JAKMIP2: variants seen among roughly 807,000 people sequenced by gnomAD.
JAKMIP2 encodes janus kinase and microtubule interacting protein 2.
In JAKMIP2, 25 loss-of-function variants were observed where a neutral mutation model predicts 115.0. The observed-to-expected ratio is 0.22, with a 90% CI of 0.16 to 0.30. The LOEUF is 0.30. JAKMIP2 is among the 10% of genes least tolerant of loss of function. The pLI is 1.00. For missense variants in JAKMIP2, 642 were observed against 957.6 expected (o/e 0.67, Z 4.35); for synonymous variants, 334 against 343.6 (o/e 0.97, Z 0.31).
intron 19 of JAKMIP2, among the ~76,000 whole-genome samples, chr5:147,615,302 G>A (rs994636945): frequency 2.0e-5 from 3 of 152,102 alleles, no homozygotes; most frequent in African/African-American, 4.8e-5. Flanking sequence ...ATCTTAAACT[G>A]GGACTGGAAA....
intron 9 of JAKMIP2, among the ~76,000 whole-genome samples, chr5:147,640,185 T>C (rs1015398911): frequency 1.1e-4 from 17 of 152,328 alleles, no homozygotes; most frequent in African/African-American, 1.4e-4. Context: ...AAAATCTGTT[T>C]TATTGCATTA....
chr5:147,770,845 G>T (rs1360066504), intron 1 of JAKMIP2, among the ~76,000 whole-genome samples: 1 of 151,822 alleles, frequency 6.6e-6, no homozygotes, highest in African/African-American at 2.4e-5. Flanking sequence ...TTACATTTTT[G>T]TTTTAAAAAG....
At chr5:147,697,489 G>C (rs776611865) in intron 1 of JAKMIP2, among the ~76,000 whole-genome samples, 1 of 152,178 alleles carries the variant, frequency 6.6e-6, no homozygotes, top group Non-Finnish European at 1.5e-5. Flanking sequence ...TATGTCTCCA[G>C]GGCATGACAG....
intron 1 of JAKMIP2, among the ~76,000 whole-genome samples, chr5:147,698,816 G>C (rs1158794253): frequency 1.3e-5 from 2 of 152,102 alleles, no homozygotes; most frequent in Non-Finnish European, 2.9e-5. Flanking sequence ...TTTCTTCATA[G>C]CAGCATGAGA....
intron 12 of JAKMIP2, 88 bp downstream of exon 12, chr5:147,636,134 C>G (rs1396016180): frequency 2.8e-6 from 3 of 1,079,506 alleles, no homozygotes; most frequent in Non-Finnish European, 4.2e-6. Flanking sequence ...CCCCTGGCCC[C>G]TGTGCCACTC....
Position 147,677,208 on chromosome 5 carries a change from G to A in JAKMIP2, c.-148-5254C>T, listed in dbSNP as rs1297411733. 4.6e-5 allele frequency among the ~76,000 whole-genome samples: 7 copies of A among 152,242 alleles called. No homozygotes were observed. The South Asian group carries it at 6.2e-4, about 14-fold the overall frequency. ...TGGATTGCTTGGCAATTAAACAAAC[G>A]GATGTAAGTGATGCTCTTGCACAGC... On this transcript the variant is annotated intron_variant, in intron 1 of 21. Coordinates refer to ENST00000616793, the MANE Select transcript of JAKMIP2 (RefSeq NM_001270941.2).
Position 147,589,031 on chromosome 5 carries a change from A to G in JAKMIP2, c.*2676T>C, listed in dbSNP as rs1561832179. 1 of 152,108 alleles carries G rather than the reference A, an allele frequency of 6.6e-6. No homozygotes were observed. Among genetic ancestry groups the G allele is most frequent in the Admixed American group, 6.6e-5 (1 of 15,266 alleles). 9.4% of individuals were successfully genotyped at this position (152,108 alleles called of 1,614,324 possible). A position where few individuals can be genotyped will look rare whatever the true frequency, so the allele number is the denominator to read the frequency against. On this transcript the variant is annotated 3_prime_UTR_variant, in exon 22 of 22. Transcript: ENST00000616793. ...GTGAGAGTAATTTATCCTCTTCCAT[A>G]TTTTCTGACTCAAGTTGGCTAGTGT...
intron 21 of JAKMIP2, chr5:147,594,522 T>C (rs1299197629): frequency 1.2e-5 from 5 of 421,000 alleles, no homozygotes; most frequent in Admixed American, 2.4e-5. Flanking sequence ...TTTGTAGAGA[T>C]GGGATTTCAC....
At chr5:147,716,117 A>G (rs551383170) in intron 1 of JAKMIP2, among the ~76,000 whole-genome samples, 185 of 147,280 alleles carry the variant, frequency 1.3e-3, no homozygotes, top group African/African-American at 4.4e-3. Context: ...TTCTTGTGAT[A>G]GTTTACTGAG....
chr5:147,734,586 C>T (rs958536167), intron 1 of JAKMIP2, among the ~76,000 whole-genome samples: 1 of 151,332 alleles, frequency 6.6e-6, no homozygotes, highest in Non-Finnish European at 1.5e-5. Flanking sequence ...ACCACCATGG[C>T]ACATGTATAC....
At chr5:147,594,040 C>A (rs1355646208) in intron 21 of JAKMIP2, among the ~76,000 whole-genome samples, 1 of 152,112 alleles carries the variant, frequency 6.6e-6, no homozygotes, top group Non-Finnish European at 1.5e-5. Flanking sequence ...CGAGGTAAAA[C>A]CCCTCATTTG....
chr5:147,637,048 C>T lies in JAKMIP2; in HGVS notation c.1531G>A (p.Ala511Thr). The part of the protein sequence containing the change: ...GIIDAEREAK[A>T]QEQLQAEVLR... ...ACCTCTGCTTGGAGCTGTTCTTGAG[C>T]CTGGTGAAACCAAAATTCCAGAACT... Residue 511 changes from alanine (A) to threonine (T), a missense_variant and splice_region_variant, in exon 11 of 22, where the codon GCT becomes ACT. Physicochemically the swap from Ala to Thr is moderately conservative, Grantham distance 58 (BLOSUM62 0). Coordinates refer to ENST00000616793, the MANE Select transcript of JAKMIP2 (RefSeq NM_001270941.2). 4.6e-6 allele frequency: 4 copies of T among 871,706 alleles called. No individual in the cohort carries two copies. Among genetic ancestry groups the T allele is most frequent in the Non-Finnish European group, 8.0e-6 (4 of 501,256 alleles). 54.0% of individuals were successfully genotyped at this position (871,706 alleles called of 1,614,324 possible).
intron 1 of JAKMIP2, among the ~76,000 whole-genome samples, chr5:147,773,031 G>C (rs1314102227): frequency 6.6e-6 from 1 of 152,072 alleles, no homozygotes; most frequent in Non-Finnish European, 1.5e-5. Context: ...GCTATATTCA[G>C]AGCATATCAG....
At chr5:147,616,327 A>G (rs1323634877) in intron 19 of JAKMIP2, among the ~76,000 whole-genome samples, 3 of 152,222 alleles carry the variant, frequency 2.0e-5, no homozygotes, top group African/African-American at 7.2e-5. Flanking sequence ...TCTAATGAAC[A>G]TTTGTTTAGA....
At chr5:147,638,302 G>A (rs1757718407) in intron 10 of JAKMIP2, among the ~76,000 whole-genome samples, 1 of 152,002 alleles carries the variant, frequency 6.6e-6, no homozygotes, top group Non-Finnish European at 1.5e-5. Flanking sequence ...TATTTAGGTA[G>A]AAGAATTAAA....
At chr5:147,617,045 T>G (rs1222090331) in intron 19 of JAKMIP2, among the ~76,000 whole-genome samples, 1 of 152,220 alleles carries the variant, frequency 6.6e-6, no homozygotes, top group Non-Finnish European at 1.5e-5. Flanking sequence ...CCTGACACTT[T>G]CAATGCTGGA....
At chr5:147,671,095 A>C (rs1759561135) in intron 2 of JAKMIP2, among the ~76,000 whole-genome samples, 1 of 152,214 alleles carries the variant, frequency 6.6e-6, no homozygotes, top group Non-Finnish European at 1.5e-5. Context: ...GAACAAGTGC[A>C]AAGGCCCTAA....
At position 147,586,739 on chromosome 5, in the gene JAKMIP2, C is replaced by T. The variant is rs1754886091; in HGVS notation, c.*4968G>A. ...ATATCTTTAGTAGTTTTTTTCCTCT[C>T]TCCCTCTTTTCTTTCTTTCTTTTTT... On this transcript the variant is annotated 3_prime_UTR_variant, in exon 22 of 22. Transcript: ENST00000616793. 1 of 147,224 alleles carries T rather than the reference C, an allele frequency of 6.8e-6. No homozygotes were observed. The highest frequency in any genetic ancestry group is 2.2e-4 in the South Asian group (1 of 4,596). The allele number at this position is 147,224 out of a possible 1,614,324, so 9.1% of individuals were successfully genotyped here.
At chr5:147,692,861 T>C (rs1292313621) in intron 1 of JAKMIP2, among the ~76,000 whole-genome samples, 1 of 152,192 alleles carries the variant, frequency 6.6e-6, no homozygotes, top group Non-Finnish European at 1.5e-5. Flanking sequence ...CAGTTCCTAA[T>C]ATCAGGGAAA....
Sources: allele counts gnomAD v4.1 joint callset (sites outside exome capture counted in the v4.1 genomes callset), GRCh38; gene constraint gnomAD v4.1.1; transcripts MANE v1.5; gene names NCBI Gene and HGNC (gene_info 2026-07-23, HGNC 2026-07-21).